Variants in MGAT4C observed in about 807,000 individuals in gnomAD.
MGAT4C encodes alpha-1,3-mannosyl-glycoprotein 4-beta-N-acetylglucosaminyltransferase C.
A neutral mutation model predicts 40.1 loss-of-function variants in MGAT4C; 19 were observed. The ratio of observed to expected loss-of-function variants is 0.47; its 90% CI spans 0.33 to 0.70. The LOEUF (loss-of-function observed/expected upper bound fraction) is 0.70, where lower values mean the gene tolerates loss of function less well. Among genes scored for constraint, MGAT4C ranks in the 30% least tolerant of loss-of-function variants. The pLI is 0.02. For missense variants in MGAT4C, 491 were observed against 563.2 expected, an observed-to-expected ratio of 0.87 and a Z score of 1.30; for synonymous variants, 181 against 187.1, an observed-to-expected ratio of 0.97 and a Z score of 0.27.
chr12:86,544,266 T>C (rs76814080), intron 2 of MGAT4C, among the ~76,000 whole-genome samples: 1,569 of 152,292 alleles, frequency 0.01, 15 homozygotes, highest in East Asian at 0.038. Context: ...AGACATCTAA[T>C]ATTTTCATGG....
At chr12:86,631,795 A>G (rs1303733280) in intron 2 of MGAT4C, among the ~76,000 whole-genome samples, 1 of 152,128 alleles carries the variant, frequency 6.6e-6, no homozygotes, top group Non-Finnish European at 1.5e-5. Context: ...CTAAAACTAT[A>G]AAAACCCTAG....
intron 2 of MGAT4C, among the ~76,000 whole-genome samples, chr12:86,602,892 G>A (rs947145368): frequency 1.3e-4 from 20 of 149,106 alleles, no homozygotes; most frequent in African/African-American, 5.0e-4. Context: ...GCGTGTGTGT[G>A]TGTGTGTGTG....
chr12:86,084,288 G>T (rs1871345791), intron 1 of MGAT4C, among the ~76,000 whole-genome samples: 1 of 152,030 alleles, frequency 6.6e-6, no homozygotes. Flanking sequence ...TTTTGAGGAG[G>T]TGGTTAGGAA....
At position 86,323,811 on chromosome 12, in the gene MGAT4C, T is replaced by C. The variant is rs111254361; in HGVS notation, c.-57+10254A>G. 3.3e-3 allele frequency among the ~76,000 whole-genome samples: 502 copies of C among 152,102 alleles called. 2 individuals carry two copies. The highest frequency in any genetic ancestry group is 0.012 in the African/African-American group (489 of 41,580). On this transcript the variant is annotated intron_variant, in intron 4 of 7. Transcript: ENST00000548651. ...TTGATGCTTCCGACAATTCCTATTA[T>C]CGCAATTTGATATTTAAATCAAGAA...
At chr12:86,600,311 G>T (rs976216143) in intron 2 of MGAT4C, among the ~76,000 whole-genome samples, 2 of 152,176 alleles carry the variant, frequency 1.3e-5, no homozygotes, top group Non-Finnish European at 2.9e-5. Flanking sequence ...CCCAGGTTGA[G>T]CCTGTGGGTA....
At chr12:86,733,919 C>T (rs1293840123) in intron 1 of MGAT4C, among the ~76,000 whole-genome samples, 1 of 152,042 alleles carries the variant, frequency 6.6e-6, no homozygotes, top group Non-Finnish European at 1.5e-5. Flanking sequence ...AAGCGAATTA[C>T]ATATTGTGTT....
chr12:86,828,999 T>C (rs1952864988), intron 1 of MGAT4C, among the ~76,000 whole-genome samples: 1 of 151,608 alleles, frequency 6.6e-6, no homozygotes, highest in Admixed American at 6.6e-5. Flanking sequence ...GTATATAAAT[T>C]ATACCTCAAC....
chr12:86,046,156 C>T (rs993260821), intron 2 of MGAT4C, among the ~76,000 whole-genome samples: 1 of 152,180 alleles, frequency 6.6e-6, no homozygotes, highest in South Asian at 2.1e-4. Context: ...TTGTGGAAGA[C>T]TGACTGACAC....
chr12:86,362,517 G>A (rs888952196), intron 3 of MGAT4C, among the ~76,000 whole-genome samples: 8 of 151,864 alleles, frequency 5.3e-5, no homozygotes, highest in African/African-American at 1.2e-4. Context: ...TTCAAAAGTC[G>A]GATATTGTCA....
At chr12:86,776,227 G>GA (rs963060994) in intron 1 of MGAT4C, among the ~76,000 whole-genome samples, 6 of 151,938 alleles carry the variant, frequency 3.9e-5, no homozygotes, top group Admixed American at 2.6e-4. Flanking sequence ...AGGACACTTT[G>GA]AAAAAGAGTC....
At chr12:86,686,266 A>T (rs562853385) in intron 2 of MGAT4C, among the ~76,000 whole-genome samples, 1 of 152,114 alleles carries the variant, frequency 6.6e-6, no homozygotes, top group South Asian at 2.1e-4. Context: ...GGGCTGAGAC[A>T]ATGGGGTTTT....
rs529500355 is a variant in MGAT4C at position 85,959,491 on chromosome 12, T to C, written c.*19798A>G. The C allele has an allele frequency of 1.3e-5, 2 of 152,166 alleles. No homozygotes were observed. The highest frequency in any genetic ancestry group is 1.9e-4 in the East Asian group (1 of 5,172). The allele number at this position is 152,166 out of a possible 1,614,324, so 9.4% of individuals were successfully genotyped here. A position where few individuals can be genotyped will look rare whatever the true frequency, so the allele number is the denominator to read the frequency against. Reference sequence around the variant, plus strand: ...GCCCCTGCAATTTCAAACCTTGGAATTGAATTGGATTTGAGGAGGAAAACC... The same window carrying C: ...GCCCCTGCAATTTCAAACCTTGGAACTGAATTGGATTTGAGGAGGAAAACC... On this transcript the variant is annotated 3_prime_UTR_variant, in exon 5 of 5. Transcript: ENST00000611864.
intron 1 of MGAT4C, among the ~76,000 whole-genome samples, chr12:86,110,348 C>A (rs377108274): frequency 2.9e-3 from 148 of 51,842 alleles, no homozygotes; most frequent in Middle Eastern, 0.012. Flanking sequence ...GTCTCTCTCT[C>A]TATATATACA....
intron 2 of MGAT4C, among the ~76,000 whole-genome samples, chr12:86,562,961 T>A (rs1592989258): frequency 1.3e-5 from 2 of 152,296 alleles, no homozygotes; most frequent in East Asian, 3.9e-4. Flanking sequence ...TGGCCCATTT[T>A]GAGTGAGCTG....
rs150582883 is a variant in MGAT4C, at chr12:86,616,790, G to A, written c.-229+110419C>T. ...ACCTTTGGACAAACAAAAGCCCAGA[G>A]AGAGAAAAGTAAACATATGTATCCA... On this transcript the variant is annotated intron_variant, in intron 2 of 7. Coordinates refer to the MGAT4C transcript ENST00000548651. Among the ~76,000 whole-genome samples the A allele has an allele frequency of 2.6e-3, 391 of 151,582 alleles. 1 individual carries two copies. Among genetic ancestry groups the A allele is most frequent in the African/African-American group, 9.3e-3 (383 of 41,374 alleles).
At chr12:86,096,804 C>T in intron 1 of MGAT4C, among the ~76,000 whole-genome samples, 1 of 151,082 alleles carries the variant, frequency 6.6e-6, no homozygotes, top group East Asian at 1.9e-4. Context: ...GTTCTATTAC[C>T]CTAGTTTATC....
At chr12:86,834,966 G>C (rs1484844063) in intron 1 of MGAT4C, among the ~76,000 whole-genome samples, 1 of 151,836 alleles carries the variant, frequency 6.6e-6, no homozygotes, top group Non-Finnish European at 1.5e-5. Flanking sequence ...TTAGTTGGTG[G>C]CTCCCTTTTG....
intron 2 of MGAT4C, among the ~76,000 whole-genome samples, chr12:86,594,812 T>C (rs1961470351): frequency 6.6e-6 from 1 of 152,140 alleles, no homozygotes; most frequent in Non-Finnish European, 1.5e-5. Flanking sequence ...ACAACAAAAT[T>C]GGTTATTTGG....
intron 1 of MGAT4C, among the ~76,000 whole-genome samples, chr12:86,228,251 T>C (rs959966948): frequency 4.0e-5 from 6 of 151,712 alleles, no homozygotes; most frequent in African/African-American, 1.2e-4. Context: ...AAAATTAATA[T>C]CTAATAGAAA....
Sources: allele counts gnomAD v4.1 joint callset (sites outside exome capture counted in the v4.1 genomes callset), GRCh38; gene constraint gnomAD v4.1.1; transcripts MANE v1.5; gene names NCBI Gene and HGNC (gene_info 2026-07-23, HGNC 2026-07-21).